The following CRYBG3 variants were observed in gnomAD, a reference collection of about 807,000 sequenced individuals.
The protein encoded by CRYBG3 is very large A-kinase anchor protein.
CRYBG3 carries 127 observed loss-of-function variants against 244.2 expected under a neutral mutation model. That is an observed-to-expected ratio of 0.52 (90% CI 0.45 to 0.60). The LOEUF (loss-of-function observed/expected upper bound fraction) is 0.60, where lower values mean the gene tolerates loss of function less well. Among genes scored for constraint, CRYBG3 ranks in the 20% least tolerant of loss-of-function variants. CRYBG3 has a pLI of 0.00. For missense variants in CRYBG3, 3,325 were observed against 3,442.5 expected, an observed-to-expected ratio of 0.97 and a Z score of 0.85; for synonymous variants, 1,132 against 1,195.8, an observed-to-expected ratio of 0.95 and a Z score of 1.10.
intron 10 of CRYBG3, among the ~76,000 whole-genome samples, chr3:97,891,788 T>G (rs939954697): frequency 6.6e-6 from 1 of 152,152 alleles, no homozygotes; most frequent in African/African-American, 2.4e-5. Flanking sequence ...TGCCCTTGTT[T>G]GAGGAGAGAA....
chr3:97,940,038 G>A lies in CRYBG3; in HGVS notation c.8506-1110G>A, dbSNP rs531518275. 3.3e-5 allele frequency among the ~76,000 whole-genome samples: 5 copies of A among 152,156 alleles called. No individual in the cohort carries two copies. In the South Asian group the frequency reaches 1.0e-3, roughly 31 times the overall value. Reference sequence around the variant, plus strand: ...AGCACTTATGTTTCTTAGCATGAAAGTGCTCTCTTAAGAGACCATTTGTTA... The same window carrying A: ...AGCACTTATGTTTCTTAGCATGAAAATGCTCTCTTAAGAGACCATTTGTTA... On this transcript the variant is annotated intron_variant, in intron 19 of 21. Coordinates refer to ENST00000389622, the MANE Select transcript of CRYBG3 (RefSeq NM_153605.4).
chr3:97,905,072 C>A (rs201527356), intron 15 of CRYBG3, among the ~76,000 whole-genome samples: 2 of 152,204 alleles, frequency 1.3e-5, no homozygotes, highest in Middle Eastern at 6.8e-3. Context: ...AGGACATGAA[C>A]TCATCATTTT....
intron 8 of CRYBG3, 33 bp downstream of exon 8, chr3:97,886,800 G>A (rs758568827): frequency 1.3e-6 from 2 of 1,492,644 alleles, no homozygotes; most frequent in Admixed American, 2.3e-5. Flanking sequence ...TATAGTGATT[G>A]ATGGCCACCA....
intron 19 of CRYBG3, among the ~76,000 whole-genome samples, chr3:97,939,676 T>C (rs923644699): frequency 6.6e-6 from 1 of 152,024 alleles, no homozygotes; most frequent in Non-Finnish European, 1.5e-5. Flanking sequence ...ATGTACAAGG[T>C]AATGAAAATG....
At chr3:97,849,487 T>C (rs1020033246) in intron 2 of CRYBG3, among the ~76,000 whole-genome samples, 4 of 151,938 alleles carry the variant, frequency 2.6e-5, no homozygotes, top group Middle Eastern at 6.8e-3. Context: ...GAAAATGCGC[T>C]GTGTGTTACT....
rs1177143720 is a variant in CRYBG3, at chr3:97,874,613, T to C, written c.3419T>C (p.Phe1140Ser). ...TATACTGGGAAGATATCCATTGATT[T>C]CCCAACTGCTGCCCAATTTGACAAT... ...GIYTGKISID[F>S]PTAAQFDNLV... Residue 1140 changes from phenylalanine (F) to serine (S), a missense_variant, in exon 4 of 22, where the codon TTC (phenylalanine) becomes TCC (serine). Phe to Ser is a radical substitution (Grantham distance 155). This residue lies in a region of CRYBG3 where 1,526 missense variants were observed against 1,443.2 expected (regional missense o/e 1.06). Transcript: ENST00000389622. 17 of 1,535,944 alleles carry C rather than the reference T, an allele frequency of 1.1e-5. No homozygotes were observed. The highest frequency in any genetic ancestry group is 1.4e-5 in the African/African-American group (1 of 73,038).
chr3:97,876,136 C>G lies in CRYBG3; in HGVS notation c.4942C>G (p.Gln1648Glu). Residue 1648 changes from glutamine (Q) to glutamate (E), a missense_variant, in exon 4 of 22, where the codon CAA becomes GAA. Physicochemically the swap from Gln to Glu is conservative, Grantham distance 29. This residue lies in a region of CRYBG3 where 635 missense variants were observed against 771.7 expected (regional missense o/e 0.82). Coordinates refer to ENST00000389622, the MANE Select transcript of CRYBG3 (RefSeq NM_153605.4). ...PMMPEVKNIH[Q>E]KDAEGDIVKT... ...GATGCCAGAAGTGAAAAATATCCACCAAAAGGATGCTGAAGGGGATATTGT... is the reference window on the plus strand; with the variant it reads ...GATGCCAGAAGTGAAAAATATCCACGAAAAGGATGCTGAAGGGGATATTGT... 1 of 1,231,508 alleles carries G rather than the reference C, an allele frequency of 8.1e-7. No homozygotes were observed. Among genetic ancestry groups the G allele is most frequent in the East Asian group, 3.2e-5 (1 of 31,678 alleles). 76.3% of individuals were successfully genotyped at this position (1,231,508 alleles called of 1,614,324 possible). A position where few individuals can be genotyped will look rare whatever the true frequency, so the allele number is the denominator to read the frequency against.
In CRYBG3 at chr3:97,841,476, T is replaced by C. The variant is rs1330066240; in HGVS notation, c.150-1719T>C. The stretch of plus-strand genomic sequence containing the variant: ...ATTTTAATCCATTGTATTTTCCAGG[T>C]GTTCATGATTTATTTTTTGTTTCCA... On this transcript the variant is annotated intron_variant, in intron 1 of 21. Transcript: ENST00000389622. 2.0e-5 allele frequency among the ~76,000 whole-genome samples: 3 copies of C among 151,468 alleles called. 1 individual carries two copies. The highest frequency in any genetic ancestry group is 3.9e-4 in the East Asian group (2 of 5,160).
At chr3:97,861,921 A>G (rs1273173871) in intron 2 of CRYBG3, among the ~76,000 whole-genome samples, 3 of 152,120 alleles carry the variant, frequency 2.0e-5, no homozygotes, top group African/African-American at 2.4e-5. Context: ...AAATTCAGAA[A>G]CTTTTTGTTG....
intron 1 of CRYBG3, among the ~76,000 whole-genome samples, chr3:97,832,507 G>A (rs916482244): frequency 6.6e-6 from 1 of 152,116 alleles, no homozygotes; most frequent in Non-Finnish European, 1.5e-5. Context: ...GGGAAAACTG[G>A]CTAGCCACAT....
rs144673045 is a variant in CRYBG3 at position 97,933,180 on chromosome 3, A to G, written c.8242-514A>G. The G allele has an allele frequency of 1.1e-3, 477 of 438,916 alleles. 1 individual carries two copies. Among genetic ancestry groups the G allele is most frequent in the Non-Finnish European group, 1.6e-3 (361 of 222,386 alleles). 27.2% of individuals were successfully genotyped at this position (438,916 alleles called of 1,614,324 possible). On this transcript the variant is annotated intron_variant, in intron 17 of 21. Transcript: ENST00000389622. ...TGGGTTGAAGAAATACTTTTAATGC[A>G]GAAATCACCACCATTCTTGTGCATT...
At chr3:97,841,931 C>A (rs573449150) in intron 1 of CRYBG3, among the ~76,000 whole-genome samples, 3 of 152,256 alleles carry the variant, frequency 2.0e-5, no homozygotes, top group East Asian at 3.9e-4. Flanking sequence ...TCAGAAAATG[C>A]CCGATTCTCT....
chr3:97,888,284 C>T (rs1207637635), intron 8 of CRYBG3, 57 bp from the exon 9 acceptor site: 3 of 1,061,784 alleles, frequency 2.8e-6, no homozygotes, highest in African/African-American at 1.6e-5. Flanking sequence ...TTTTTACTTA[C>T]AGAACCAGAC....
At chr3:97,863,847 A>AAC (rs1322659011) in intron 2 of CRYBG3, among the ~76,000 whole-genome samples, 2 of 152,110 alleles carry the variant, frequency 1.3e-5, no homozygotes, top group African/African-American at 4.8e-5. Flanking sequence ...CCTCACTAAA[A>AAC]ACACACACAC....
In CRYBG3 at chr3:97,872,077, A is replaced by T. The variant is rs777388096; in HGVS notation, c.883A>T (p.Asn295Tyr). 3.3e-6 allele frequency: 5 copies of T among 1,535,836 alleles called. No homozygotes were observed. The South Asian group carries it at 6.0e-5, about 18-fold the overall frequency. The stretch of plus-strand genomic sequence containing the variant: ...TAGTACAGACTCATCTATGAAAGGA[A>T]ATCTACTTGAAGGCCCATTAGAAGA... ...SASTDSSMKG[N>Y]LLEGPLEDSD... Residue 295 changes from asparagine to tyrosine, a missense_variant, in exon 4 of 22, where the codon AAT (asparagine) becomes TAT (tyrosine). This residue lies in a region of CRYBG3 where 1,526 missense variants were observed against 1,443.2 expected (regional missense o/e 1.06). Coordinates refer to ENST00000389622, the MANE Select transcript of CRYBG3 (RefSeq NM_153605.4).
intron 2 of CRYBG3, among the ~76,000 whole-genome samples, chr3:97,843,665 A>G (rs1356372152): frequency 6.6e-6 from 1 of 152,220 alleles, no homozygotes; most frequent in African/African-American, 2.4e-5. Context: ...GCTGAAGTTA[A>G]TAATCTGTTT....
Position 97,943,333 on chromosome 3 carries a change from A to G in CRYBG3, c.*19A>G, listed in dbSNP as rs750904423. On this transcript the variant is annotated 3_prime_UTR_variant, in exon 22 of 22. Transcript: ENST00000389622. ...ATTGTGAGAGAATCAACATCCCTAG[A>G]AAGATCCCTAGAAAGAGCAAAGAAG... The G allele has an allele frequency of 2.9e-6, 4 of 1,382,044 alleles. No individual in the cohort carries two copies. The South Asian group carries it at 3.5e-5, about 12-fold the overall frequency. 85.6% of individuals were successfully genotyped at this position (1,382,044 alleles called of 1,614,324 possible).
rs2279897 is a variant in CRYBG3 at position 97,874,641 on chromosome 3, C to T, written c.3447C>T (p.Leu1149=). The stretch of plus-strand genomic sequence containing the variant: ...CAACTGCTGCCCAATTTGACAATCT[C>T]GTGGAAGCAGAGACTGGAGCAGTTG... The part of the protein sequence containing the change: ...DFPTAAQFDN[L]VEAETGAVAG... Residue 1149 remains leucine (L), a synonymous_variant, in exon 4 of 22, where the codon CTC becomes CTT. Transcript: ENST00000389622. 425,048 of 1,535,700 alleles carry T rather than the reference C, an allele frequency of 0.28. 60,817 individuals carry two copies. The highest frequency in any genetic ancestry group is 0.3 in the Admixed American group (15,092 of 50,964).
At chr3:97,823,555 C>T (rs1163873668) in intron 1 of CRYBG3, among the ~76,000 whole-genome samples, 1 of 152,188 alleles carries the variant, frequency 6.6e-6, no homozygotes, top group African/African-American at 2.4e-5. Context: ...GACGTTTCAG[C>T]TATTATTGCT....
Sources: gnomAD v4.1 joint callset for allele counts (sites outside exome capture counted in the v4.1 genomes callset) on GRCh38, gnomAD v4.1.1 for gene constraint, gnomAD v4.1.1 regional missense constraint, MANE v1.5 for transcripts, NCBI Gene and HGNC (gene_info 2026-07-23, HGNC 2026-07-21) for gene names.